Variants in ART3 observed in about 807,000 individuals in gnomAD.
The protein encoded by ART3 is ADP-ribosyltransferase 3 (inactive), also known as ecto-ADP-ribosyltransferase 3.
A neutral mutation model predicts 48.5 loss-of-function variants in ART3; 49 were observed. The observed-to-expected ratio is 1.01, with a 90% CI of 0.80 to 1.28. The LOEUF is 1.28. ART3 is among the 50% of genes most tolerant of loss of function. The probability of loss-of-function intolerance (pLI) is 0.00; values close to 1 mark genes in which losing one functional copy is unlikely to be tolerated. For synonymous variants in ART3, 145 were observed against 157.2 expected (o/e 0.92, Z 0.58); for missense variants, 438 against 454.3 (o/e 0.96, Z 0.33).
At chr4:76,095,447 G>T (rs1725788058) in intron 3 of ART3, among the ~76,000 whole-genome samples, 1 of 152,196 alleles carries the variant, frequency 6.6e-6, no homozygotes, top group Non-Finnish European at 1.5e-5. Context: ...GGCGGAGGTT[G>T]CAGTGAGCCG....
intron 10 of ART3, among the ~76,000 whole-genome samples, chr4:76,105,061 G>A (rs1728169033): frequency 6.6e-6 from 1 of 152,200 alleles, no homozygotes; most frequent in African/African-American, 2.4e-5. Context: ...TAGGCTCAGA[G>A]AAAAGGGTCC....
chr4:76,029,239 ACTT>A (rs1733669423), intron 1 of ART3, among the ~76,000 whole-genome samples: 1 of 152,160 alleles, frequency 6.6e-6, no homozygotes, highest in Non-Finnish European at 1.5e-5. Context: ...GTTTTCTTCA[ACTT>A]CTTATTGACA....
intron 1 of ART3, among the ~76,000 whole-genome samples, chr4:76,064,806 G>A (rs1560606796): frequency 6.6e-6 from 1 of 150,880 alleles, no homozygotes; most frequent in East Asian, 2.0e-4. Flanking sequence ...AGTGTTGGTA[G>A]AAAGATGGGA....
intron 1 of ART3, among the ~76,000 whole-genome samples, chr4:76,069,394 T>TTTTTG (rs1720086613): frequency 1.4e-5 from 2 of 140,134 alleles, no homozygotes; most frequent in South Asian, 2.3e-4. Flanking sequence ...TCCTTTTTTT[T>TTTTTG]TTTTTTTTTT....
Position 76,043,640 on chromosome 4 carries a change from G to A in ART3, c.-9-32241G>A, listed in dbSNP as rs544862887. Among the ~76,000 whole-genome samples, 53 of 152,108 alleles carry A rather than the reference G, an allele frequency of 3.5e-4. No individual in the cohort carries two copies. In the South Asian group the frequency reaches 7.5e-3, roughly 21 times the overall value. On this transcript the variant is annotated intron_variant, in intron 1 of 9. Coordinates refer to the ART3 transcript ENST00000341029. Reference sequence around the variant, plus strand: ...TCCAGCTGGCCCACAAGCGCTGTGCGCAGCCCTGGTTCCCACTGGCGCCTG... The same window carrying A: ...TCCAGCTGGCCCACAAGCGCTGTGCACAGCCCTGGTTCCCACTGGCGCCTG...
chr4:76,060,150 A>G (rs1719065851), intron 1 of ART3, among the ~76,000 whole-genome samples: 1 of 152,204 alleles, frequency 6.6e-6, no homozygotes, highest in South Asian at 2.1e-4. Flanking sequence ...TTAACATGTA[A>G]GATACCCCAA....
chr4:76,052,625 G>A (rs200283325), intron 1 of ART3, among the ~76,000 whole-genome samples: 1 of 151,972 alleles, frequency 6.6e-6, no homozygotes, highest in East Asian at 1.9e-4. Context: ...AGTCTCCACT[G>A]TCTATCATTC....
intron 2 of ART3, among the ~76,000 whole-genome samples, chr4:76,078,703 C>G (rs1311407087): frequency 6.6e-6 from 1 of 152,144 alleles, no homozygotes; most frequent in East Asian, 1.9e-4. Context: ...GAATTACACT[C>G]TTTTTCAAGT....
chr4:76,080,668 G>A (rs1423283724), intron 2 of ART3, among the ~76,000 whole-genome samples: 1 of 151,770 alleles, frequency 6.6e-6, no homozygotes, highest in Non-Finnish European at 1.5e-5. Flanking sequence ...CTGCCACTAC[G>A]CTCAGCTAAT....
At chr4:76,077,453 C>T (rs973546969) in intron 2 of ART3, among the ~76,000 whole-genome samples, 9 of 152,064 alleles carry the variant, frequency 5.9e-5, no homozygotes, top group South Asian at 2.1e-4. Flanking sequence ...ATGGCTATTA[C>T]GAATAGTGGT....
At chr4:76,037,521 C>T (rs1230695236) in intron 1 of ART3, among the ~76,000 whole-genome samples, 1 of 151,728 alleles carries the variant, frequency 6.6e-6, no homozygotes, top group East Asian at 1.9e-4. Flanking sequence ...ATTCTGGAGT[C>T]GAGTGGCACA....
intron 1 of ART3, chr4:76,036,627 T>G (rs1734437901): frequency 6.6e-6 from 1 of 152,362 alleles, no homozygotes; most frequent in Non-Finnish European, 1.5e-5. Flanking sequence ...TTCAACAATT[T>G]TTACTTTATA....
At chr4:76,013,015 G>A (rs768216272) in intron 1 of ART3, among the ~76,000 whole-genome samples, 5 of 152,146 alleles carry the variant, frequency 3.3e-5, no homozygotes, top group African/African-American at 4.8e-5. Context: ...TGTGAACAAT[G>A]ATTTCCTCAG....
chr4:76,097,744 C>G, intron 4 of ART3, 68 bp downstream of exon 4: 1 of 1,251,414 alleles, frequency 8.0e-7, no homozygotes, highest in Non-Finnish European at 1.2e-6. Flanking sequence ...AGCTATGGGT[C>G]AGAGCTACCC....
chr4:76,112,613 G>T lies in ART3; in HGVS notation c.*94G>T. 7.4e-7 allele frequency: 1 copy of T among 1,355,458 alleles called. No homozygotes were observed. Among genetic ancestry groups the T allele is most frequent in the Non-Finnish European group, 9.9e-7 (1 of 1,014,174 alleles). 84.0% of individuals were successfully genotyped at this position (1,355,458 alleles called of 1,614,324 possible). ...GGAATGATGTATTTTTTACGTGTTG[G>T]CCAAAGTCACTGGATAAAATGAGAA... is the stretch of plus-strand genomic sequence containing the variant. On this transcript the variant is annotated 3_prime_UTR_variant, in exon 12 of 12. Transcript: ENST00000355810.
At chr4:76,100,270 A>T in intron 5 of ART3, 21 bp from the exon 6 acceptor site, 1 of 1,610,470 alleles carries the variant, frequency 6.2e-7, no homozygotes, top group Non-Finnish European at 8.5e-7. Context: ...AAAACTGATG[A>T]ACTTCTTTTC....
intron 1 of ART3, among the ~76,000 whole-genome samples, chr4:76,028,101 C>T (rs920579867): frequency 1.3e-5 from 2 of 152,102 alleles, no homozygotes; most frequent in African/African-American, 4.8e-5. Context: ...GGACCCTTCT[C>T]TTCTTGTTTT....
intron 1 of ART3, among the ~76,000 whole-genome samples, chr4:76,055,393 A>AG (rs1215353519): frequency 1.3e-5 from 2 of 152,238 alleles, no homozygotes; most frequent in African/African-American, 4.8e-5. Context: ...TTCTGTAAGA[A>AG]GGGGCACTGT....
At chr4:76,068,016 C>T (rs747583402) in intron 1 of ART3, among the ~76,000 whole-genome samples, 1 of 152,184 alleles carries the variant, frequency 6.6e-6, no homozygotes, top group African/African-American at 2.4e-5. Flanking sequence ...ACCTAGTTCT[C>T]TTTCCTCATC....
Sources: allele counts gnomAD v4.1 joint callset (sites outside exome capture counted in the v4.1 genomes callset), GRCh38; gene constraint gnomAD v4.1.1; transcripts MANE v1.5; gene names NCBI Gene and HGNC (gene_info 2026-07-23, HGNC 2026-07-21).